RARB: variants seen among roughly 807,000 people sequenced by gnomAD.
The protein encoded by RARB is retinoic acid receptor beta.
In RARB, 17 loss-of-function variants were observed where a neutral mutation model predicts 51.9. That is an observed-to-expected ratio of 0.33 (90% CI 0.22 to 0.49). The LOEUF (loss-of-function observed/expected upper bound fraction) is 0.49, where lower values mean the gene tolerates loss of function less well. Among genes scored for constraint, RARB ranks in the 20% least tolerant of loss-of-function variants. RARB has a pLI of 0.99. For missense variants in RARB, 369 were observed against 550.8 expected (o/e 0.67, Z 3.30); for synonymous variants, 215 against 195.4 (o/e 1.10, Z -0.84).
chr3:25,256,028 G>A (rs1427117708), intron 5 of RARB, among the ~76,000 whole-genome samples: 1 of 152,004 alleles, frequency 6.6e-6, no homozygotes, highest in East Asian at 1.9e-4. Flanking sequence ...TCATGTAAAT[G>A]TCTGTTTGAC....
chr3:24,869,134 T>A (rs1702900671), intron 2 of RARB, among the ~76,000 whole-genome samples: 1 of 152,144 alleles, frequency 6.6e-6, no homozygotes, highest in Non-Finnish European at 1.5e-5. Context: ...TAAGGTATAG[T>A]CTCTTATTCA....
intron 3 of RARB, among the ~76,000 whole-genome samples, chr3:25,516,623 T>G (rs1397011352): frequency 6.7e-6 from 1 of 149,732 alleles, no homozygotes; most frequent in Non-Finnish European, 1.5e-5. Flanking sequence ...TCATCTTTAT[T>G]TCCTTGTCTT....
intron 2 of RARB, among the ~76,000 whole-genome samples, chr3:25,469,069 C>A (rs1444802313): frequency 1.3e-5 from 2 of 152,212 alleles, no homozygotes; most frequent in Non-Finnish European, 2.9e-5. Flanking sequence ...CCCCCTCAGT[C>A]CCTCAGGGCT....
chr3:25,141,829 A>G (rs1559481139), intron 4 of RARB, among the ~76,000 whole-genome samples: 1 of 152,182 alleles, frequency 6.6e-6, no homozygotes, highest in Non-Finnish European at 1.5e-5. Flanking sequence ...TATATGAAGT[A>G]TCTCCCTCAC....
intron 5 of RARB, among the ~76,000 whole-genome samples, chr3:25,376,751 A>C (rs539288067): frequency 5.9e-5 from 9 of 152,332 alleles, no homozygotes; most frequent in Non-Finnish European, 1.5e-5. Context: ...GGCTCATTGC[A>C]TCCATGTGGA....
intron 2 of RARB, among the ~76,000 whole-genome samples, chr3:24,898,397 G>A (rs188918299): frequency 2.6e-5 from 4 of 151,022 alleles, no homozygotes; most frequent in Admixed American, 2.6e-4. Flanking sequence ...ATAAATTATA[G>A]GAATAATTTC....
chr3:25,555,733 A>G (rs1390457225), intron 3 of RARB: 1 of 152,206 alleles, frequency 6.6e-6, no homozygotes, highest in Non-Finnish European at 1.5e-5. Context: ...TCTTACACCC[A>G]CAAGGTATGG....
At chr3:24,852,335 C>A (rs541604049) in intron 1 of RARB, among the ~76,000 whole-genome samples, 1 of 152,082 alleles carries the variant, frequency 6.6e-6, no homozygotes, top group Non-Finnish European at 1.5e-5. Context: ...GGCTCCACAC[C>A]GAACCCACCT....
intron 1 of RARB, among the ~76,000 whole-genome samples, chr3:24,834,095 C>T (rs1367238513): frequency 1.3e-5 from 2 of 152,154 alleles, no homozygotes; most frequent in Admixed American, 6.5e-5. Flanking sequence ...GAGCTTATAC[C>T]TTTCATGGTA....
chr3:25,018,126 G>T (rs536534251), intron 2 of RARB, among the ~76,000 whole-genome samples: 18 of 152,282 alleles, frequency 1.2e-4, no homozygotes, highest in African/African-American at 4.3e-4. Flanking sequence ...CTTGCACAGA[G>T]GTAGATTGGA....
Position 25,428,901 on chromosome 3 carries a change from T to C in RARB, c.157+13T>C, listed in dbSNP as rs1167637162. ...CACACTGCTCAATGTAGGTTTATTT[T>C]TTTCCCTTCTTCTACCAAGAAAAAA... On this transcript the variant is annotated intron_variant, in intron 1 of 7. Coordinates refer to ENST00000330688, the MANE Select transcript of RARB (RefSeq NM_000965.5). 4.4e-6 allele frequency: 7 copies of C among 1,584,362 alleles called. No homozygotes were observed. The highest frequency in any genetic ancestry group is 6.0e-6 in the Non-Finnish European group (7 of 1,160,628).
At chr3:25,304,860 G>GC (rs1704120341) in intron 5 of RARB, among the ~76,000 whole-genome samples, 1 of 152,104 alleles carries the variant, frequency 6.6e-6, no homozygotes, top group African/African-American at 2.4e-5. Flanking sequence ...ACCAGGTTCT[G>GC]CCAAGACACA....
chr3:25,428,122 C>A, upstream of RARB: 1 of 808,362 alleles, frequency 1.2e-6, no homozygotes. Flanking sequence ...TTTTGCAGGG[C>A]TGCTGGGAGT....
chr3:25,070,093 T>C (rs1365023156), intron 3 of RARB, among the ~76,000 whole-genome samples: 1 of 152,232 alleles, frequency 6.6e-6, no homozygotes, highest in Non-Finnish European at 1.5e-5. Flanking sequence ...TCTGGTTTTT[T>C]GGCAGGAACC....
chr3:25,038,577 C>A (rs1373803452), intron 2 of RARB, among the ~76,000 whole-genome samples: 8 of 152,184 alleles, frequency 5.3e-5, no homozygotes, highest in African/African-American at 1.9e-4. Context: ...AAGAAAGTGG[C>A]AAATTGCCCT....
intron 5 of RARB, among the ~76,000 whole-genome samples, chr3:25,581,999 G>A (rs531793484): frequency 1.4e-4 from 22 of 152,132 alleles, no homozygotes; most frequent in African/African-American, 2.4e-4. Flanking sequence ...GTGCAAGATC[G>A]GGGTGGAGTG....
chr3:25,210,824 C>T (rs923849134), intron 5 of RARB, among the ~76,000 whole-genome samples: 1 of 151,948 alleles, frequency 6.6e-6, no homozygotes, highest in African/African-American at 2.4e-5. Flanking sequence ...CATGAGCCAC[C>T]ATGCCCAGCC....
chr3:24,994,485 A>G (rs1287118171), intron 2 of RARB, among the ~76,000 whole-genome samples: 1 of 152,084 alleles, frequency 6.6e-6, no homozygotes. Context: ...TTTGCTGTAT[A>G]GAAGCTTTTT....
At chr3:24,988,404 A>G (rs1347286482) in intron 2 of RARB, among the ~76,000 whole-genome samples, 2 of 152,148 alleles carry the variant, frequency 1.3e-5, no homozygotes, top group South Asian at 2.1e-4. Flanking sequence ...AAAGTATTCA[A>G]AAAAATTTAA....
Sources: gnomAD v4.1 joint callset for allele counts (sites outside exome capture counted in the v4.1 genomes callset) on GRCh38, gnomAD v4.1.1 for gene constraint, MANE v1.5 for transcripts, NCBI Gene and HGNC (gene_info 2026-07-23, HGNC 2026-07-21) for gene names.